MRTO4: variants seen among roughly 807,000 people sequenced by gnomAD.
MRTO4 encodes the protein mRNA turnover protein 4 homolog.
A neutral mutation model predicts 28.6 loss-of-function variants in MRTO4; 7 were observed. The ratio of observed to expected loss-of-function variants is 0.24; its 90% CI spans 0.14 to 0.46. MRTO4 has a LOEUF of 0.46. Ranked by LOEUF, MRTO4 falls within the 20% of genes least tolerant of loss-of-function variation. The pLI is 0.99. For missense variants in MRTO4, 302 were observed against 298.3 expected, an observed-to-expected ratio of 1.01 and a Z score of -0.09; for synonymous variants, 113 against 108.2, an observed-to-expected ratio of 1.04 and a Z score of -0.27.
intron 4 of MRTO4, 93 bp from the exon 5 acceptor site, chr1:19,257,360 TA>T (rs756091576): frequency 3.8e-5 from 56 of 1,460,524 alleles, no homozygotes; most frequent in Non-Finnish European, 5.2e-5. Context: ...AAAACGTCTT[TA>T]AATGTTGCCA....
chr1:19,254,899 G>A, intron 2 of MRTO4, 59 bp downstream of exon 2: 1 of 1,453,246 alleles, frequency 6.9e-7, no homozygotes, highest in Non-Finnish European at 9.3e-7. Context: ...GTAGGTATAG[G>A]ACTGTTGGCC....
chr1:19,257,643 C>A, intron 5 of MRTO4, 122 bp downstream of exon 5: 1 of 1,393,232 alleles, frequency 7.2e-7, no homozygotes, highest in Admixed American at 1.7e-5. Context: ...AAGCCTGTCA[C>A]TGAGCTAGTG....
Position 19,256,996 on chromosome 1 carries a change from G to A in MRTO4, c.192-68G>A, listed in dbSNP as rs79773831. The A allele has an allele frequency of 7.0e-5, 105 of 1,499,830 alleles. 1 individual carries two copies. The Middle Eastern group carries it at 8.6e-4, about 12-fold the overall frequency. 92.9% of individuals were successfully genotyped at this position (1,499,830 alleles called of 1,614,324 possible). On this transcript the variant is annotated intron_variant, in intron 3 of 7. Coordinates refer to ENST00000330263, the MANE Select transcript of MRTO4 (RefSeq NM_016183.4). Reference sequence around the variant, plus strand: ...GCTCACTGGGGACCGGAGCTACTTTGCATGTTGCTGAGGGATGGGGAGGGC... The same window carrying A: ...GCTCACTGGGGACCGGAGCTACTTTACATGTTGCTGAGGGATGGGGAGGGC...
At position 19,256,037 on chromosome 1, in the gene MRTO4, C is replaced by T; in HGVS notation, c.177C>T (p.Ala59=). The stretch of plus-strand genomic sequence containing the variant: ...GCAAGCTGAAGGACATCCGGAACGC[C>T]TGGAAGCACAGCCGGTGAGCGGGCA... ...RNSKLKDIRN[A]WKHSRMFFGK... Residue 59 remains alanine, a synonymous_variant, in exon 3 of 8, where the codon GCC becomes GCT. Coordinates refer to ENST00000330263, the MANE Select transcript of MRTO4 (RefSeq NM_016183.4). 6.2e-7 allele frequency: 1 copy of T among 1,614,098 alleles called. No individual in the cohort carries two copies. The highest frequency in any genetic ancestry group is 1.1e-5 in the South Asian group (1 of 91,078).
At chr1:19,256,977 TG>T in intron 3 of MRTO4, 86 bp from the exon 4 acceptor site, 3 of 1,332,178 alleles carry the variant, frequency 2.3e-6, no homozygotes, top group Non-Finnish European at 2.1e-6. Context: ...CTGAGCTCAC[TG>T]GGGACCGGAG....
chr1:19,258,049 A>C, intron 6 of MRTO4, 65 bp downstream of exon 6: 666 of 1,555,932 alleles, frequency 4.3e-4, no homozygotes, highest in Non-Finnish European at 5.3e-4. Context: ...CTGCAAGCTC[A>C]TCCCTTTCTA....
chr1:19,255,984 A>G lies in MRTO4; in HGVS notation c.124A>G (p.Ile42Val), dbSNP rs1028286295. The change falls in exon 3 of 8, where the codon ATC becomes GTC. Residue 42 changes from isoleucine (I) to valine (V), a missense_variant. By Grantham distance (29) the Ile-to-Val change is conservative (BLOSUM62 3). Transcript: ENST00000330263. ...KCVDTYKYLFIFSVANMRNSK... is the reference protein window; with the variant it reads ...KCVDTYKYLFVFSVANMRNSK... ...TGTGGACACCTACAAGTACCTTTTC[A>G]TCTTCTCTGTGGCCAACATGAGGAA... 1 of 1,613,824 alleles carries G rather than the reference A, an allele frequency of 6.2e-7. No individual in the cohort carries two copies. Among genetic ancestry groups the G allele is most frequent in the Non-Finnish European group, 8.5e-7 (1 of 1,179,952 alleles).
chr1:19,258,062 T>A, intron 6 of MRTO4, 78 bp downstream of exon 6: 1 of 1,519,146 alleles, frequency 6.6e-7, no homozygotes, highest in South Asian at 1.2e-5. Flanking sequence ...CCTTTCTAGC[T>A]GAGCAAGTTA....
At chr1:19,251,898 C>A in intron 1 of MRTO4, 35 bp downstream of exon 1, 1 of 1,580,096 alleles carries the variant, frequency 6.3e-7, no homozygotes, top group East Asian at 2.3e-5. Flanking sequence ...CTGGGGGGAG[C>A]TCCGTGGGCT....
At chr1:19,253,532 T>C (rs1290859083) in intron 1 of MRTO4, among the ~76,000 whole-genome samples, 1 of 152,080 alleles carries the variant, frequency 6.6e-6, no homozygotes, top group Non-Finnish European at 1.5e-5. Flanking sequence ...CTGGTTGCCT[T>C]GGTGAGAATA....
chr1:19,252,162 G>GT, intron 1 of MRTO4: 1 of 447,082 alleles, frequency 2.2e-6, no homozygotes, highest in Middle Eastern at 6.2e-4. Flanking sequence ...GCCTGCTGCC[G>GT]TTTCGGCCCA....
intron 1 of MRTO4, among the ~76,000 whole-genome samples, chr1:19,253,758 G>A (rs2093667374): frequency 6.6e-6 from 1 of 152,226 alleles, no homozygotes; most frequent in Non-Finnish European, 1.5e-5. Context: ...AGTGCGGGCA[G>A]GTTAAAGAAG....
chr1:19,258,084 T>C (rs12121472), intron 6 of MRTO4, 100 bp downstream of exon 6: 151,609 of 1,427,594 alleles, frequency 0.11, 8,439 homozygotes, highest in Non-Finnish European at 0.12. Context: ...TTCTACAAGC[T>C]TCCATTTTCT....
In MRTO4 at chr1:19,258,787, C is replaced by T; in HGVS notation, c.677C>T (p.Ala226Val). The change falls in exon 8 of 8, where the codon GCA (alanine) becomes GTA (valine). Residue 226 changes from alanine to valine, a missense_variant. Physicochemically the swap from Ala to Val is moderately conservative, Grantham distance 64. Coordinates refer to ENST00000330263, the MANE Select transcript of MRTO4 (RefSeq NM_016183.4). ...QQMGDDLPES[A>V]SESTEESDSE... ...ATGGGAGACGACTTGCCAGAGAGCG[C>T]ATCTGAGTCCACAGAAGAGTCAGAC... is the stretch of plus-strand genomic sequence containing the variant. 1.2e-6 allele frequency: 2 copies of T among 1,614,168 alleles called. No individual in the cohort carries two copies. The highest frequency in any genetic ancestry group is 1.7e-6 in the Non-Finnish European group (2 of 1,180,036).
rs1272850143 is a variant in MRTO4, at chr1:19,259,628, C to T, written c.*798C>T. Reference sequence around the variant, plus strand: ...CTTCCACTGGCTGCCTTGGCACTGCCATGACAGCACAGCTCCACACCAGAG... The same window carrying T: ...CTTCCACTGGCTGCCTTGGCACTGCTATGACAGCACAGCTCCACACCAGAG... On this transcript the variant is annotated 3_prime_UTR_variant, in exon 8 of 8. Coordinates refer to ENST00000330263, the MANE Select transcript of MRTO4 (RefSeq NM_016183.4). 1 of 152,262 alleles carries T rather than the reference C, an allele frequency of 6.6e-6. No individual in the cohort carries two copies. Among genetic ancestry groups the T allele is most frequent in the African/African-American group, 2.4e-5 (1 of 41,452 alleles). 9.4% of individuals were successfully genotyped at this position (152,262 alleles called of 1,614,324 possible).
At chr1:19,258,303 G>A (rs1168159188) in intron 6 of MRTO4, among the ~76,000 whole-genome samples, 174 bp from the exon 7 acceptor site, 1 of 152,182 alleles carries the variant, frequency 6.6e-6, no homozygotes, top group Non-Finnish European at 1.5e-5. Context: ...TAGAGCCCAG[G>A]AGGTCGAGGC....
intron 4 of MRTO4, 130 bp from the exon 5 acceptor site, chr1:19,257,324 C>T (rs2093672950): frequency 2.5e-6 from 3 of 1,218,906 alleles, no homozygotes; most frequent in Admixed American, 1.7e-5. Flanking sequence ...CTTCCTGCCT[C>T]CCACTCCTTC....
intron 4 of MRTO4, 91 bp downstream of exon 4, chr1:19,257,236 G>A (rs2093672722): frequency 2.1e-6 from 3 of 1,424,088 alleles, no homozygotes; most frequent in African/African-American, 2.8e-5. Flanking sequence ...GCCATTGGCA[G>A]GCCGGAGGCT....
rs1384283226 is a variant in MRTO4 at position 19,257,507 on chromosome 1, G to C, written c.327G>C (p.Lys109Asn). 4 of 1,614,142 alleles carry C rather than the reference G, an allele frequency of 2.5e-6. No homozygotes were observed. Among genetic ancestry groups the C allele is most frequent in the Non-Finnish European group, 8.5e-7 (1 of 1,180,050 alleles). ...GTCTCCTGTTCACCAACCGCACAAA[G>C]GAGGAGGTGAATGAGTAAGTACTGC... The part of the protein sequence containing the change: ...EVGLLFTNRT[K>N]EEVNEWFTKY... The change falls in exon 5 of 8, where the codon AAG becomes AAC. Residue 109 changes from lysine to asparagine, a missense_variant. Lys to Asn is a moderately conservative substitution (Grantham distance 94, BLOSUM62 0). Transcript: ENST00000330263.
Sources: gnomAD v4.1 joint callset for allele counts (sites outside exome capture counted in the v4.1 genomes callset) on GRCh38, gnomAD v4.1.1 for gene constraint, MANE v1.5 for transcripts, NCBI Gene and HGNC (gene_info 2026-07-23, HGNC 2026-07-21) for gene names.